The following ZNF487 variants were observed in gnomAD, a reference collection of about 807,000 sequenced individuals.
ZNF487 encodes zinc finger protein 487, also known as KRAB domain only 1.
A neutral mutation model predicts 3.0 loss-of-function variants in ZNF487; 4 were observed. The observed-to-expected ratio is 1.35, with a 90% CI of 0.66 to 3.08. ZNF487 has a LOEUF of 3.08. Among genes scored for constraint, ZNF487 ranks in the 30% most tolerant of loss-of-function variants. ZNF487 has a pLI of 0.01. For synonymous variants in ZNF487, 55 were observed against 34.6 expected (o/e 1.59, Z -2.06); for missense variants, 146 against 98.7 (o/e 1.48, Z -2.03).
At chr10:43,474,896 T>A (rs770603681) in intron 1 of ZNF487, among the ~76,000 whole-genome samples, 1 of 152,088 alleles carries the variant, frequency 6.6e-6, no homozygotes, top group Admixed American at 6.6e-5. Flanking sequence ...GTTTTTTTTT[T>A]AATCAATTTT....
chr10:43,494,936 CA>C, the ZNF487 span, among the ~76,000 whole-genome samples: 38 of 132,362 alleles, frequency 2.9e-4, no homozygotes, highest in South Asian at 5.0e-4. Context: ...GACTCCATCT[CA>C]AAAAAAAAAA....
At chr10:43,471,103 A>G (rs1254313430) in intron 1 of ZNF487, among the ~76,000 whole-genome samples, 1 of 151,910 alleles carries the variant, frequency 6.6e-6, no homozygotes, top group Non-Finnish European at 1.5e-5. Context: ...CTGAATGTTT[A>G]TGTGTAGTCC....
chr10:43,440,074 G>T (rs1345966842), intron 1 of ZNF487, among the ~76,000 whole-genome samples: 10 of 146,108 alleles, frequency 6.8e-5, no homozygotes, highest in South Asian at 2.2e-4. Context: ...TTGAGGCGAA[G>T]TTTCACTCAT....
chr10:43,476,223 G>A, intron 3 of ZNF487, 21 bp downstream of exon 3: 3 of 712,604 alleles, frequency 4.2e-6, no homozygotes, highest in Non-Finnish European at 7.8e-6. Flanking sequence ...AAATATATAG[G>A]AAGCTATAAT....
At chr10:43,494,765 C>CAAAAAAAAAAAAA in the ZNF487 span, among the ~76,000 whole-genome samples, 35 of 35,768 alleles carry the variant, frequency 9.8e-4, 1 homozygote, top group South Asian at 1.2e-3. Context: ...ACTAAAAATA[C>CAAAAAAAAAAAAA]AAAAAAAAAA....
At chr10:43,498,010 A>G in the ZNF487 span, among the ~76,000 whole-genome samples, 2 of 138,860 alleles carry the variant, frequency 1.4e-5, no homozygotes, top group Non-Finnish European at 3.1e-5. Flanking sequence ...ATGTATATGG[A>G]GAGAGAGAGA....
At chr10:43,508,222 A>T in the ZNF487 span, among the ~76,000 whole-genome samples, 3 of 152,252 alleles carry the variant, frequency 2.0e-5, no homozygotes, top group African/African-American at 4.8e-5. Flanking sequence ...TCTCACCCTG[A>T]TGATAATGAT....
At chr10:43,493,557 G>A in the ZNF487 span, among the ~76,000 whole-genome samples, 10 of 151,504 alleles carry the variant, frequency 6.6e-5, no homozygotes, top group African/African-American at 2.4e-4. Context: ...CAGGTGTGGT[G>A]ATGCATGCTC....
the ZNF487 span, chr10:43,523,630 C>T: frequency 1.3e-5 from 2 of 152,568 alleles, no homozygotes; most frequent in Non-Finnish European, 2.9e-5. Flanking sequence ...GATATTCAAA[C>T]TCTGAAGCAA....
At chr10:43,500,578 C>T in the ZNF487 span, among the ~76,000 whole-genome samples, 4,424 of 152,130 alleles carry the variant, frequency 0.029, 99 homozygotes, top group South Asian at 0.041. Context: ...CTCAGCTCAC[C>T]GCAACCTCTG....
rs139499438 is a variant in ZNF487 at position 43,451,653 on chromosome 10, C to T, written c.-94+14391C>T. On this transcript the variant is annotated intron_variant, in intron 1 of 3. Transcript: ENST00000437590. ...TGATCTCGGCTCACTGCAGCCTCCA[C>T]CTCCCGGGTTCAAGCAGTTCTCCTG... 7.2e-3 allele frequency among the ~76,000 whole-genome samples: 1,091 copies of T among 151,264 alleles called. 15 individuals carry two copies. The highest frequency in any genetic ancestry group is 0.025 in the African/African-American group (1,045 of 41,168).
At chr10:43,494,357 TA>T in the ZNF487 span, among the ~76,000 whole-genome samples, 3 of 152,338 alleles carry the variant, frequency 2.0e-5, no homozygotes, top group Admixed American at 1.3e-4. Flanking sequence ...GTAAAAAATG[TA>T]ACAACCATTC....
the ZNF487 span, among the ~76,000 whole-genome samples, chr10:43,493,942 A>G: frequency 2.0e-5 from 3 of 151,074 alleles, no homozygotes; most frequent in Admixed American, 1.3e-4. Flanking sequence ...AAGGCAGGAG[A>G]ATGGCTTGAA....
At chr10:43,465,847 T>C (rs1472938853) in intron 1 of ZNF487, among the ~76,000 whole-genome samples, 3 of 152,080 alleles carry the variant, frequency 2.0e-5, no homozygotes, top group African/African-American at 7.2e-5. Flanking sequence ...GGCTGGGATG[T>C]GGAGGTTGTA....
chr10:43,494,800 G>C, the ZNF487 span, among the ~76,000 whole-genome samples: 1 of 147,120 alleles, frequency 6.8e-6, no homozygotes, highest in African/African-American at 2.6e-5. Flanking sequence ...AGCTGGGCAT[G>C]GTAGTGCGCG....
At chr10:43,465,482 G>A (rs1432232049) in intron 1 of ZNF487, among the ~76,000 whole-genome samples, 1 of 151,766 alleles carries the variant, frequency 6.6e-6, no homozygotes, top group African/African-American at 2.4e-5. Flanking sequence ...GGGGCGGCCG[G>A]GCAGAGACGC....
chr10:43,437,584 T>C (rs2132021097), intron 1 of ZNF487, among the ~76,000 whole-genome samples: 1 of 152,262 alleles, frequency 6.6e-6, no homozygotes, highest in African/African-American at 2.4e-5. Context: ...CAAGGATACC[T>C]TCATGATTGT....
chr10:43,462,151 TTC>T (rs1475115486), intron 1 of ZNF487, among the ~76,000 whole-genome samples: 1 of 152,112 alleles, frequency 6.6e-6, no homozygotes, highest in African/African-American at 2.4e-5. Flanking sequence ...GAATTACTCT[TTC>T]TGTTTGTTTG....
At chr10:43,459,159 G>C (rs919186972) in intron 1 of ZNF487, among the ~76,000 whole-genome samples, 4 of 151,978 alleles carry the variant, frequency 2.6e-5, no homozygotes, top group Non-Finnish European at 5.9e-5. Flanking sequence ...TTTCTGTCTT[G>C]TCCGTGAAGT....
Sources: allele counts gnomAD v4.1 joint callset (sites outside exome capture counted in the v4.1 genomes callset), GRCh38; gene constraint gnomAD v4.1.1; transcripts MANE v1.5; gene names NCBI Gene and HGNC (gene_info 2026-07-23, HGNC 2026-07-21).